Variants in POC1A observed in about 807,000 individuals in gnomAD.
The protein encoded by POC1A is POC1 centriolar protein homolog A.
Under a neutral mutation model 47.8 loss-of-function variants are expected in POC1A, and 34 were observed. That is an observed-to-expected ratio of 0.71 (90% CI 0.54 to 0.95). The LOEUF (loss-of-function observed/expected upper bound fraction) is 0.95. POC1A is among the 40% of genes least tolerant of loss of function. The pLI, the probability that POC1A is intolerant of heterozygous loss-of-function variation, is 0.00. For synonymous variants in POC1A, 177 were observed against 207.6 expected, an observed-to-expected ratio of 0.85 and a Z score of 1.27; for missense variants, 466 against 528.3, an observed-to-expected ratio of 0.88 and a Z score of 1.16.
At chr3:52,080,371 C>T (rs138767192) in intron 10 of POC1A, among the ~76,000 whole-genome samples, 1 of 152,276 alleles carries the variant, frequency 6.6e-6, no homozygotes, top group East Asian at 1.9e-4. Context: ...ACTAGGGGAT[C>T]CCTGTCCTCA....
intron 10 of POC1A, among the ~76,000 whole-genome samples, chr3:52,076,261 C>G (rs1347226670): frequency 6.6e-6 from 1 of 152,168 alleles, no homozygotes; most frequent in Non-Finnish European, 1.5e-5. Flanking sequence ...GGTCCCATAG[C>G]CTTTGGTCAT....
intron 9 of POC1A, among the ~76,000 whole-genome samples, chr3:52,111,342 G>A (rs1159001055): frequency 1.3e-5 from 2 of 152,096 alleles, no homozygotes; most frequent in Admixed American, 1.3e-4. Context: ...CTACCTGGAG[G>A]CACCTCTTCA....
chr3:52,153,956 TCCTGCTGTACCTA>T (rs1465552175), intron 1 of POC1A, among the ~76,000 whole-genome samples: 2 of 152,214 alleles, frequency 1.3e-5, no homozygotes, highest in Non-Finnish European at 2.9e-5. Context: ...CATCCCAGCG[TCCTGCTGTACCTA>T]CCTGCTGGAG....
At chr3:52,096,828 A>G in intron 9 of POC1A, 116 bp from the exon 10 acceptor site, 1 of 933,312 alleles carries the variant, frequency 1.1e-6, no homozygotes, top group Non-Finnish European at 1.6e-6. Flanking sequence ...TGAGAAGGTA[A>G]GCTCCAAGTG....
rs139185183 is a variant in POC1A at position 52,123,214 on chromosome 3, A to G, written c.883-737T>C. Among the ~76,000 whole-genome samples the G allele has an allele frequency of 2.0e-3, 299 of 152,332 alleles. 2 individuals carry two copies. Among genetic ancestry groups the G allele is most frequent in the African/African-American group, 6.7e-3 (278 of 41,584 alleles). ...AGGCTAACTCAGCCATGAAAAACAC[A>G]TCCTATTCCAGGTGTCCTCCTATCA... On this transcript the variant is annotated intron_variant, in intron 8 of 10. Transcript: ENST00000296484.
intron 7 of POC1A, among the ~76,000 whole-genome samples, chr3:52,133,047 A>G (rs1704293977): frequency 6.7e-6 from 1 of 148,656 alleles, no homozygotes; most frequent in Admixed American, 6.7e-5. Context: ...CTCCATCTCA[A>G]AAAAAAAAAA....
At chr3:52,096,916 G>A (rs778573266) in intron 9 of POC1A, among the ~76,000 whole-genome samples, 12 of 152,216 alleles carry the variant, frequency 7.9e-5, no homozygotes, top group South Asian at 2.1e-4. Flanking sequence ...GGCCTTAAGT[G>A]GGGAGTGGAA....
chr3:52,092,822 A>G (rs1428477245), intron 10 of POC1A, among the ~76,000 whole-genome samples: 1 of 152,234 alleles, frequency 6.6e-6, no homozygotes, highest in Non-Finnish European at 1.5e-5. Flanking sequence ...CTGGAGTTAA[A>G]GGGTTTCTGA....
intron 10 of POC1A, among the ~76,000 whole-genome samples, chr3:52,080,174 A>T (rs141963444): frequency 6.6e-6 from 1 of 152,350 alleles, no homozygotes; most frequent in African/African-American, 2.4e-5. Context: ...ACTTGCCTAA[A>T]GTTACACAGC....
chr3:52,078,244 C>T (rs1702177784), intron 10 of POC1A, among the ~76,000 whole-genome samples: 2 of 152,114 alleles, frequency 1.3e-5, no homozygotes, highest in South Asian at 4.1e-4. Flanking sequence ...GAAGTCCAAC[C>T]AGGCCCTTCC....
chr3:52,124,406 G>A (rs924861175), intron 8 of POC1A, among the ~76,000 whole-genome samples: 3 of 152,202 alleles, frequency 2.0e-5, no homozygotes, highest in African/African-American at 7.2e-5. Flanking sequence ...AAGGCACCAG[G>A]GCTGACAGGC....
intron 9 of POC1A, among the ~76,000 whole-genome samples, chr3:52,118,286 C>G (rs1703646767): frequency 6.6e-6 from 1 of 152,148 alleles, no homozygotes; most frequent in African/African-American, 2.4e-5. Flanking sequence ...GGTTCCCCAG[C>G]CACAAGCCCT....
chr3:52,093,105 C>T (rs527840559), intron 10 of POC1A, among the ~76,000 whole-genome samples: 1 of 152,360 alleles, frequency 6.6e-6, no homozygotes, highest in Non-Finnish European at 1.5e-5. Context: ...AGTGTCCCGT[C>T]AGGTGAGGGT....
chr3:52,105,830 G>A (rs1366264602), intron 9 of POC1A, among the ~76,000 whole-genome samples: 2 of 152,298 alleles, frequency 1.3e-5, no homozygotes, highest in Middle Eastern at 6.8e-3. Flanking sequence ...TCATCTAGGG[G>A]GTATGAACAT....
intron 7 of POC1A, among the ~76,000 whole-genome samples, chr3:52,132,990 G>A (rs538636004): frequency 1.3e-5 from 2 of 151,904 alleles, no homozygotes; most frequent in African/African-American, 4.8e-5. Context: ...AGGTTGCAGT[G>A]AGCCGAGTTC....
At chr3:52,093,235 C>T (rs1400486270) in intron 10 of POC1A, among the ~76,000 whole-genome samples, 1 of 152,202 alleles carries the variant, frequency 6.6e-6, no homozygotes, top group Non-Finnish European at 1.5e-5. Flanking sequence ...GGAGGCCTGG[C>T]TCTGACCTTG....
chr3:52,082,990 C>T (rs1046153505), intron 10 of POC1A, among the ~76,000 whole-genome samples: 1 of 152,192 alleles, frequency 6.6e-6, no homozygotes, highest in Non-Finnish European at 1.5e-5. Context: ...AGCCCAGATG[C>T]CGTATCATCC....
intron 9 of POC1A, among the ~76,000 whole-genome samples, chr3:52,110,749 C>G (rs558538445): frequency 6.6e-6 from 1 of 152,326 alleles, no homozygotes; most frequent in Non-Finnish European, 1.5e-5. Context: ...TGCAGCCTGG[C>G]TCTGCCTGGG....
intron 6 of POC1A, among the ~76,000 whole-genome samples, chr3:52,144,474 C>T (rs1007398907): frequency 1.3e-5 from 2 of 152,132 alleles, no homozygotes; most frequent in Non-Finnish European, 2.9e-5. Flanking sequence ...CCTGGTGGTG[C>T]TGTAGGGTAC....
Sources: allele counts gnomAD v4.1 joint callset (sites outside exome capture counted in the v4.1 genomes callset), GRCh38; gene constraint gnomAD v4.1.1; transcripts MANE v1.5; gene names NCBI Gene and HGNC (gene_info 2026-07-23, HGNC 2026-07-21).